Variants in PDXDC1 observed in about 807,000 individuals in gnomAD.
The protein encoded by PDXDC1 is pyridoxal-dependent decarboxylase domain-containing protein 1.
In PDXDC1, 42 loss-of-function variants were observed where a neutral mutation model predicts 100.1. The observed-to-expected ratio is 0.42, with a 90% CI of 0.33 to 0.54. PDXDC1 has a LOEUF of 0.54. Ranked by LOEUF, PDXDC1 falls within the 20% of genes least tolerant of loss-of-function variation. The pLI, the probability that PDXDC1 is intolerant of heterozygous loss-of-function variation, is 0.10. For missense variants in PDXDC1, 636 were observed against 979.2 expected (o/e 0.65, Z 4.68); for synonymous variants, 260 against 371.7 (o/e 0.70, Z 3.46).
At chr16:15,032,505 T>C in intron 17 of PDXDC1, 1 of 179,270 alleles carries the variant, frequency 5.6e-6, no homozygotes, top group Admixed American at 5.8e-5. Flanking sequence ...AATACAAAAA[T>C]TAGCCAGAGG....
At chr16:15,056,027 C>T (rs2044503679) in intron 16 of PDXDC1, 2 of 851,730 alleles carry the variant, frequency 2.3e-6, no homozygotes, top group Non-Finnish European at 3.0e-6. Context: ...CGCTTTGCAG[C>T]CCCGGGCCGC....
At chr16:15,032,696 C>T in intron 17 of PDXDC1, 165 bp from the exon 18 acceptor site, 2 of 507,826 alleles carry the variant, frequency 3.9e-6, no homozygotes, top group Non-Finnish European at 7.0e-6. Flanking sequence ...TCTCTTTACT[C>T]CTGGCACACT....
intron 16 of PDXDC1, among the ~76,000 whole-genome samples, chr16:15,074,208 T>C (rs1456834752): frequency 6.6e-6 from 1 of 152,218 alleles, no homozygotes; most frequent in Non-Finnish European, 1.5e-5. Context: ...TCAACTCAGA[T>C]TCCAGTTCTA....
At chr16:14,992,665 G>A (rs796562202) in intron 1 of PDXDC1, among the ~76,000 whole-genome samples, 2 of 152,390 alleles carry the variant, frequency 1.3e-5, no homozygotes, top group South Asian at 2.1e-4. Context: ...TGATTACCTT[G>A]TAAGCCCTTG....
At chr16:15,074,629 T>A in intron 16 of PDXDC1, 1 of 884,436 alleles carries the variant, frequency 1.1e-6, no homozygotes, top group Non-Finnish European at 1.6e-6. Flanking sequence ...TTTTACAGGA[T>A]TTTTAGTATT....
At chr16:15,032,668 A>AAAAAAAAAAAAAAAAAAAAT in intron 17 of PDXDC1, 193 bp from the exon 18 acceptor site, 1 of 374,106 alleles carries the variant, frequency 2.7e-6, no homozygotes, top group Non-Finnish European at 4.6e-6. Context: ...AAAAAAAAAA[A>AAAAAAAAAAAAAAAAAAAAT]AGGCTTTCCT....
At chr16:15,131,293 G>C in intron 16 of PDXDC1, 1 of 1,573,674 alleles carries the variant, frequency 6.4e-7, no homozygotes, top group Non-Finnish European at 8.6e-7. Context: ...GGGGATCTGG[G>C]CGCCGGCCTG....
downstream of PDXDC1, among the ~76,000 whole-genome samples, chr16:15,042,749 T>C (rs902388252): frequency 6.6e-6 from 1 of 151,192 alleles, no homozygotes; most frequent in East Asian, 1.9e-4. Context: ...TATTTATTTA[T>C]TGAGACGAAG....
intron 16 of PDXDC1, among the ~76,000 whole-genome samples, chr16:15,129,102 G>C (rs1224206432): frequency 6.6e-6 from 1 of 151,816 alleles, no homozygotes; most frequent in Non-Finnish European, 1.5e-5. Context: ...ACCGCGCCCG[G>C]CCGACAGTTT....
chr16:14,976,402 G>T (rs1317036149), intron 1 of PDXDC1, among the ~76,000 whole-genome samples: 1 of 152,264 alleles, frequency 6.6e-6, no homozygotes, highest in African/African-American at 2.4e-5. Context: ...TGTAAAGGTT[G>T]GGCCAGATGT....
At chr16:15,078,749 C>G (rs1032695408) in intron 16 of PDXDC1, among the ~76,000 whole-genome samples, 5 of 151,874 alleles carry the variant, frequency 3.3e-5, no homozygotes, top group Non-Finnish European at 4.4e-5. Flanking sequence ...AGGCTGCCCA[C>G]CAGCAACTGA....
intron 16 of PDXDC1, chr16:15,126,655 ATTTTTTTT>A (rs1162300755): frequency 8.8e-6 from 1 of 113,804 alleles, no homozygotes; most frequent in East Asian, 2.3e-4. Flanking sequence ...TCTTTGTGGG[ATTTTTTTT>A]TTTTTTTTTT....
chr16:15,032,883 A>C lies in PDXDC1; in HGVS notation c.1594A>C (p.Lys532Gln). The C allele has an allele frequency of 6.2e-7, 1 of 1,602,106 alleles. No homozygotes were observed. Residue 532 changes from lysine (K) to glutamine (Q), a missense_variant, in exon 18 of 23, where the codon AAG (lysine) becomes CAG (glutamine). This residue lies in a region of PDXDC1 where 452 missense variants were observed against 402.9 expected (regional missense o/e 1.12). Coordinates refer to ENST00000396410, the MANE Select transcript of PDXDC1 (RefSeq NM_015027.4). ...TAGGTATGAACATGCTAATGATGAT[A>C]AGAGCAGTTTGAAATCAGATCCCGA... is the stretch of plus-strand genomic sequence containing the variant. ...VVRYEHANDDKSSLKSDPEGE... is the reference protein window; with the variant it reads ...VVRYEHANDDQSSLKSDPEGE...
intron 16 of PDXDC1, among the ~76,000 whole-genome samples, chr16:15,132,017 AGGGGATAAGGGAGGGGAAGGAGGATAAG>A (rs1452173165): frequency 5.9e-4 from 2 of 3,382 alleles, no homozygotes; most frequent in Non-Finnish European, 6.1e-4. Flanking sequence ...AAGGGGGATA[AGGGGATAAGGGAGGGGAAGGAGGATAAG>A]GGGGATAAGA....
intron 16 of PDXDC1, among the ~76,000 whole-genome samples, chr16:15,097,110 T>G (rs955630184): frequency 1.3e-5 from 2 of 151,772 alleles, no homozygotes; most frequent in Admixed American, 1.3e-4. Context: ...AATAACACTT[T>G]TAAAAAACTT....
intron 6 of PDXDC1, among the ~76,000 whole-genome samples, chr16:15,007,918 T>C (rs2040921248): frequency 6.6e-6 from 1 of 152,292 alleles, no homozygotes; most frequent in Non-Finnish European, 1.5e-5. Flanking sequence ...TTTTAAAGTG[T>C]GTGTATCCTT....
At chr16:15,106,717 T>C (rs1476740674) in intron 16 of PDXDC1, among the ~76,000 whole-genome samples, 4 of 127,042 alleles carry the variant, frequency 3.1e-5, no homozygotes, top group African/African-American at 5.1e-5. Context: ...ATCACGTCAT[T>C]GCACTCCAGC....
the PDXDC1 span, among the ~76,000 whole-genome samples, chr16:15,144,856 G>A: frequency 2.6e-5 from 4 of 152,214 alleles, no homozygotes; most frequent in Non-Finnish European, 4.4e-5. Flanking sequence ...ACCTGTGGGT[G>A]TAGGAAGGAG....
At chr16:15,068,097 T>A in intron 16 of PDXDC1, 1 of 1,502,550 alleles carries the variant, frequency 6.7e-7, no homozygotes, top group Non-Finnish European at 9.0e-7. Context: ...AATTTAACAC[T>A]CTTACAATAC....
Sources: gnomAD v4.1 joint callset for allele counts (sites outside exome capture counted in the v4.1 genomes callset) on GRCh38, gnomAD v4.1.1 for gene constraint, gnomAD v4.1.1 regional missense constraint, MANE v1.5 for transcripts, NCBI Gene and HGNC (gene_info 2026-07-23, HGNC 2026-07-21) for gene names.